FAM13A: variants seen among roughly 807,000 people sequenced by gnomAD.
FAM13A encodes the protein protein FAM13A.
In FAM13A, 76 loss-of-function variants were observed where a neutral mutation model predicts 129.6. The observed-to-expected ratio is 0.59, with a 90% confidence interval of 0.49 to 0.71. The LOEUF is 0.71. Among genes scored for constraint, FAM13A ranks in the 30% least tolerant of loss-of-function variants. The probability of loss-of-function intolerance (pLI) is 0.00; values close to 1 mark genes in which losing one functional copy is unlikely to be tolerated. For synonymous variants in FAM13A, 443 were observed against 449.9 expected (o/e 0.98, Z 0.20); for missense variants, 1,108 against 1,249.3 (o/e 0.89, Z 1.70).
At chr4:88,864,569 C>T (rs550700483) in intron 6 of FAM13A, among the ~76,000 whole-genome samples, 18 of 152,182 alleles carry the variant, frequency 1.2e-4, no homozygotes, top group East Asian at 3.9e-4. Context: ...CCACCACACC[C>T]GGCTAATTTT....
chr4:88,835,367 T>C (rs1734640710), intron 7 of FAM13A, among the ~76,000 whole-genome samples: 5 of 152,118 alleles, frequency 3.3e-5, no homozygotes, highest in African/African-American at 9.7e-5. Flanking sequence ...GAAGTCACAA[T>C]TGCAAGTCAC....
intron 8 of FAM13A, among the ~76,000 whole-genome samples, chr4:88,801,827 G>A (rs1354283369): frequency 7.2e-6 from 1 of 139,534 alleles, no homozygotes; most frequent in Non-Finnish European, 1.6e-5. Flanking sequence ...AAGTGGTGTA[G>A]GGGAGGTGGG....
chr4:89,012,164 T>C (rs764734543), intron 3 of FAM13A, among the ~76,000 whole-genome samples: 2 of 152,238 alleles, frequency 1.3e-5, no homozygotes, highest in Non-Finnish European at 2.9e-5. Context: ...TCTTCTGCAA[T>C]CTTTTTATGG....
intron 5 of FAM13A, among the ~76,000 whole-genome samples, chr4:88,926,727 C>T (rs936799214): frequency 5.3e-5 from 8 of 152,062 alleles, no homozygotes; most frequent in Non-Finnish European, 8.8e-5. Flanking sequence ...AAAATTGGAG[C>T]CATAAAGCAT....
intron 8 of FAM13A, among the ~76,000 whole-genome samples, chr4:88,798,537 GAA>G (rs1726724830): frequency 6.6e-6 from 1 of 152,164 alleles, no homozygotes; most frequent in Admixed American, 6.5e-5. Flanking sequence ...ATAGACAGCA[GAA>G]GAGAGCCAAG....
chr4:88,859,140 T>C (rs1391193721), intron 6 of FAM13A, among the ~76,000 whole-genome samples: 2 of 152,216 alleles, frequency 1.3e-5, no homozygotes, highest in Non-Finnish European at 2.9e-5. Flanking sequence ...GCAGTTCTGC[T>C]GTGAAGAATA....
chr4:88,993,309 T>C (rs984390370), intron 3 of FAM13A, among the ~76,000 whole-genome samples: 1 of 152,250 alleles, frequency 6.6e-6, no homozygotes, highest in African/African-American at 2.4e-5. Flanking sequence ...GAAAATGTTC[T>C]GCCTTCTTTT....
At chr4:88,801,045 AC>A (rs1053417258) in intron 8 of FAM13A, among the ~76,000 whole-genome samples, 2 of 152,050 alleles carry the variant, frequency 1.3e-5, no homozygotes, top group Non-Finnish European at 2.9e-5. Context: ...GAAGCATAAT[AC>A]AAAAAAAAAA....
At chr4:88,987,889 T>A (rs187876422) in intron 4 of FAM13A, among the ~76,000 whole-genome samples, 269 of 147,276 alleles carry the variant, frequency 1.8e-3, no homozygotes, top group African/African-American at 6.5e-3. Context: ...TATATATGAC[T>A]TATAGATTAT....
At chr4:88,963,175 C>A (rs1758866659) in intron 4 of FAM13A, among the ~76,000 whole-genome samples, 1 of 151,938 alleles carries the variant, frequency 6.6e-6, no homozygotes, top group African/African-American at 2.4e-5. Flanking sequence ...TGAAGCTTAA[C>A]AATGTGATAA....
intron 4 of FAM13A, among the ~76,000 whole-genome samples, chr4:88,949,905 A>C (rs988269371): frequency 6.6e-6 from 1 of 152,194 alleles, no homozygotes; most frequent in Non-Finnish European, 1.5e-5. Context: ...ATAAAACGTC[A>C]TAAGTGAAAG....
intron 4 of FAM13A, among the ~76,000 whole-genome samples, chr4:88,953,754 T>C (rs1757310676): frequency 6.6e-6 from 1 of 152,226 alleles, no homozygotes; most frequent in Non-Finnish European, 1.5e-5. Flanking sequence ...TTTATTTCAC[T>C]GAGCATAACA....
chr4:88,953,503 A>C (rs1757278105), intron 4 of FAM13A, among the ~76,000 whole-genome samples: 1 of 152,224 alleles, frequency 6.6e-6, no homozygotes, highest in African/African-American at 2.4e-5. Context: ...ACATAACATA[A>C]ACTTTAACAT....
intron 5 of FAM13A, among the ~76,000 whole-genome samples, chr4:88,924,635 T>G (rs1480952712): frequency 6.6e-6 from 1 of 152,156 alleles, no homozygotes; most frequent in Admixed American, 6.5e-5. Flanking sequence ...ATTCAGGACA[T>G]AGGCATGGGC....
At chr4:88,783,821 G>C (rs1250520800) in intron 10 of FAM13A, among the ~76,000 whole-genome samples, 1 of 152,014 alleles carries the variant, frequency 6.6e-6, no homozygotes, top group Non-Finnish European at 1.5e-5. Flanking sequence ...ACAGGGGAAG[G>C]GGCATGTGCA....
At chr4:89,046,650 G>C (rs764152621) in intron 1 of FAM13A, among the ~76,000 whole-genome samples, 4 of 151,876 alleles carry the variant, frequency 2.6e-5, no homozygotes, top group Non-Finnish European at 4.4e-5. Context: ...AGGAGTGCAA[G>C]ACCAGCCTGG....
At chr4:88,764,949 A>G (rs1320211903) in intron 13 of FAM13A, among the ~76,000 whole-genome samples, 1 of 152,210 alleles carries the variant, frequency 6.6e-6, no homozygotes, top group East Asian at 1.9e-4. Flanking sequence ...CTCGTTTTGG[A>G]CAATATTAGT....
At chr4:88,906,175 C>T (rs1748126524) in intron 6 of FAM13A, among the ~76,000 whole-genome samples, 1 of 152,200 alleles carries the variant, frequency 6.6e-6, no homozygotes, top group African/African-American at 2.4e-5. Flanking sequence ...TTAGTCCGAG[C>T]TACCCCAGAG....
intron 6 of FAM13A, among the ~76,000 whole-genome samples, chr4:88,894,749 T>C (rs1411221071): frequency 6.6e-6 from 1 of 152,158 alleles, no homozygotes; most frequent in Non-Finnish European, 1.5e-5. Flanking sequence ...CTAGAACTCC[T>C]GGCCTCACGT....
Sources: allele counts gnomAD v4.1 joint callset (sites outside exome capture counted in the v4.1 genomes callset), GRCh38; gene constraint gnomAD v4.1.1; transcripts MANE v1.5; gene names NCBI Gene and HGNC (gene_info 2026-07-23, HGNC 2026-07-21).